Variants in ESR1 observed in about 807,000 individuals in gnomAD.
ESR1 encodes the protein estrogen receptor.
ESR1 carries 12 observed loss-of-function variants against 52.7 expected under a neutral mutation model. The ratio of observed to expected loss-of-function variants is 0.23; its 90% CI spans 0.15 to 0.37. The LOEUF is 0.37. ESR1 is among the 10% of genes least tolerant of loss of function. The pLI, the probability that ESR1 is intolerant of heterozygous loss-of-function variation, is 1.00. For synonymous variants in ESR1, 305 were observed against 316.8 expected, an observed-to-expected ratio of 0.96 and a Z score of 0.39; for missense variants, 584 against 779.7, an observed-to-expected ratio of 0.75 and a Z score of 2.99.
At chr6:151,721,110 G>T (rs1325326373) in intron 2 of ESR1, among the ~76,000 whole-genome samples, 1 of 152,174 alleles carries the variant, frequency 6.6e-6, no homozygotes, top group South Asian at 2.1e-4. Context: ...AAAGGCACAA[G>T]AACTTAACTT....
intron 3 of ESR1, among the ~76,000 whole-genome samples, chr6:151,889,021 C>A (rs548147203): frequency 6.6e-6 from 1 of 152,076 alleles, no homozygotes; most frequent in African/African-American, 2.4e-5. Context: ...AAATCCCACT[C>A]GATCATGGTG....
In ESR1 at chr6:151,998,368, C is replaced by CTT. The variant is rs5880952; in HGVS notation, c.1097-13279_1097-13278dup. On this transcript the variant is annotated intron_variant, in intron 4 of 7. Transcript: ENST00000206249. The stretch of plus-strand genomic sequence containing the variant: ...GTTGCCAATAAAATCAGTATTATTT[C>CTT]TTTTTTTTTTCTGTTCTTTTTTAGC... Among the ~76,000 whole-genome samples the CTT allele has an allele frequency of 1.4e-4, 21 of 150,004 alleles. No homozygotes were observed. The South Asian group carries it at 4.2e-3, about 30-fold the overall frequency.
chr6:151,765,143 A>T (rs956742213), intron 2 of ESR1, among the ~76,000 whole-genome samples: 1 of 152,096 alleles, frequency 6.6e-6, no homozygotes, highest in African/African-American at 2.4e-5. Context: ...AAAATATTAC[A>T]TTCTTTTGGC....
chr6:152,128,214 A>C (rs2813564), exon 7 of ESR1: 4 of 152,224 alleles, frequency 2.6e-5, no homozygotes, highest in African/African-American at 4.8e-5. Context: ...CATCATAAGC[A>C]TTTGCTTTGA....
At chr6:151,698,381 A>G (rs1219230275) in intron 1 of ESR1, among the ~76,000 whole-genome samples, 1 of 152,062 alleles carries the variant, frequency 6.6e-6, no homozygotes. Flanking sequence ...TTAAAAAAAA[A>G]AAAAAGTGAC....
intron 1 of ESR1, among the ~76,000 whole-genome samples, chr6:151,666,953 G>A (rs1226060163): frequency 6.6e-6 from 1 of 152,120 alleles, no homozygotes; most frequent in East Asian, 1.9e-4. Flanking sequence ...AAGGAGAAAG[G>A]GAAGGCAGGA....
In ESR1 at chr6:152,011,920, A is replaced by G. The variant is rs1019091532; in HGVS notation, c.1235+126A>G. On this transcript the variant is annotated intron_variant, in intron 5 of 7. Transcript: ENST00000206249. Reference sequence around the variant, plus strand: ...TTATTAGGTATGTTTACTTAACAAAAGAGTGCATTGGGGGTGATGAAGCCT... The same window carrying G: ...TTATTAGGTATGTTTACTTAACAAAGGAGTGCATTGGGGGTGATGAAGCCT... 2.8e-5 allele frequency: 29 copies of G among 1,021,596 alleles called. No individual in the cohort carries two copies. In the African/African-American group the frequency reaches 4.5e-4, roughly 16 times the overall value. The allele number at this position is 1,021,596 out of a possible 1,614,324, so 63.3% of individuals were successfully genotyped here. A position where few individuals can be genotyped will look rare whatever the true frequency, so the allele number is the denominator to read the frequency against.
At chr6:151,809,220 A>G in intron 1 of ESR1, 1 of 458,568 alleles carries the variant, frequency 2.2e-6, no homozygotes, top group Non-Finnish European at 4.6e-6. Context: ...CTGTGGAAGG[A>G]GCGCGGCCGG....
intron 4 of ESR1, among the ~76,000 whole-genome samples, chr6:151,980,318 A>T (rs893227834): frequency 3.3e-5 from 5 of 152,194 alleles, no homozygotes; most frequent in African/African-American, 9.6e-5. Context: ...GTGTCCAAAA[A>T]ATTGTTGCAA....
At chr6:151,744,239 A>C (rs970266046) in intron 2 of ESR1, among the ~76,000 whole-genome samples, 1 of 152,130 alleles carries the variant, frequency 6.6e-6, no homozygotes, top group Admixed American at 6.6e-5. Context: ...GTACCCACTT[A>C]GGACTGGAAT....
intron 6 of ESR1, among the ~76,000 whole-genome samples, chr6:152,090,594 T>G (rs2050101971): frequency 6.6e-6 from 1 of 152,232 alleles, no homozygotes; most frequent in African/African-American, 2.4e-5. Flanking sequence ...GCACAGGCAC[T>G]GCAGTGTACA....
chr6:151,751,780 G>A (rs1323841704), intron 2 of ESR1, among the ~76,000 whole-genome samples: 4 of 152,098 alleles, frequency 2.6e-5, no homozygotes, highest in Non-Finnish European at 5.9e-5. Flanking sequence ...AAACTATAAT[G>A]TACCAGCCAG....
At chr6:151,775,341 C>G (rs945095282) in intron 2 of ESR1, among the ~76,000 whole-genome samples, 1 of 152,138 alleles carries the variant, frequency 6.6e-6, no homozygotes, top group Non-Finnish European at 1.5e-5. Flanking sequence ...ATCTGAAATG[C>G]TTCAGTGAGC....
intron 2 of ESR1, among the ~76,000 whole-genome samples, chr6:151,857,507 A>G (rs1019872936): frequency 2.0e-5 from 3 of 151,654 alleles, no homozygotes; most frequent in African/African-American, 7.3e-5. Context: ...ACACACACAC[A>G]CACCAATGTG....
intron 5 of ESR1, among the ~76,000 whole-genome samples, chr6:152,015,309 C>T (rs2043086713): frequency 6.6e-6 from 1 of 152,120 alleles, no homozygotes; most frequent in South Asian, 2.1e-4. Context: ...ATTTCAGGTG[C>T]CGTCTTTTTA....
intron 2 of ESR1, among the ~76,000 whole-genome samples, chr6:151,738,804 T>C (rs2128053441): frequency 6.6e-6 from 1 of 152,272 alleles, no homozygotes; most frequent in East Asian, 1.9e-4. Context: ...ATGCCTGTAG[T>C]CAAAGTAGGC....
chr6:151,750,409 C>A lies in ESR1; in HGVS notation c.-71+48404C>A, dbSNP rs986210394. Among the ~76,000 whole-genome samples, 36 of 152,040 alleles carry A rather than the reference C, an allele frequency of 2.4e-4. 1 individual carries two copies. Among genetic ancestry groups the A allele is most frequent in the Admixed American group, 2.3e-3 (35 of 15,262 alleles). On this transcript the variant is annotated intron_variant, in intron 2 of 2. Transcript: ENST00000404742. ...AATTTGTACAGTATGTTTAGTGGGACGGCGGGCAAGGGGGAAAAGTGGCAT... is the reference window on the plus strand; with the variant it reads ...AATTTGTACAGTATGTTTAGTGGGAAGGCGGGCAAGGGGGAAAAGTGGCAT...
intron 2 of ESR1, among the ~76,000 whole-genome samples, chr6:151,765,485 G>GTAA (rs1202311408): frequency 5.3e-5 from 8 of 152,202 alleles, no homozygotes; most frequent in African/African-American, 1.9e-4. Flanking sequence ...AATATATTTG[G>GTAA]AATAAAAATT....
chr6:151,762,879 G>C (rs185637310), intron 2 of ESR1, among the ~76,000 whole-genome samples: 2 of 152,030 alleles, frequency 1.3e-5, no homozygotes, highest in African/African-American at 4.8e-5. Flanking sequence ...CAGGAAAATC[G>C]CAGTGAGCCG....
Sources: gnomAD v4.1 joint callset for allele counts (sites outside exome capture counted in the v4.1 genomes callset) on GRCh38, gnomAD v4.1.1 for gene constraint, MANE v1.5 for transcripts, NCBI Gene and HGNC (gene_info 2026-07-23, HGNC 2026-07-21) for gene names.